Variants in MLLT3 observed in about 807,000 individuals in gnomAD.
MLLT3 encodes protein AF-9.
MLLT3 carries 4 observed loss-of-function variants against 53.2 expected under a neutral mutation model. The ratio of observed to expected loss-of-function variants is 0.08; its 90% CI spans 0.04 to 0.17. MLLT3 has a LOEUF of 0.17. Ranked by LOEUF, MLLT3 falls within the 10% of genes least tolerant of loss-of-function variation. MLLT3 has a pLI of 1.00. For missense variants in MLLT3, 569 were observed against 684.0 expected (o/e 0.83, Z 1.87); for synonymous variants, 283 against 230.6 (o/e 1.23, Z -2.06).
intron 5 of MLLT3, chr9:20,411,301 T>C (rs1586928960): frequency 6.5e-6 from 1 of 153,474 alleles, no homozygotes; most frequent in East Asian, 1.9e-4. Context: ...ACAAAGCCTG[T>C]CTTTTCTACT....
intron 2 of MLLT3, among the ~76,000 whole-genome samples, chr9:20,497,814 G>A (rs938300066): frequency 6.6e-6 from 1 of 151,874 alleles, no homozygotes; most frequent in Admixed American, 6.6e-5. Context: ...AATTCTCTTG[G>A]GTAAATACCT....
intron 2 of MLLT3, among the ~76,000 whole-genome samples, chr9:20,565,528 G>A (rs180804774): frequency 6.6e-6 from 1 of 151,974 alleles, no homozygotes; most frequent in East Asian, 1.9e-4. Context: ...AATACACACT[G>A]CTAGGTAATT....
intron 6 of MLLT3, among the ~76,000 whole-genome samples, chr9:20,365,176 G>A (rs558366447): frequency 2.1e-4 from 32 of 152,264 alleles, no homozygotes; most frequent in African/African-American, 7.5e-4. Context: ...GGCAGGGACC[G>A]GAAAAAGGGG....
At chr9:20,511,944 C>T (rs906301631) in intron 2 of MLLT3, among the ~76,000 whole-genome samples, 3 of 152,014 alleles carry the variant, frequency 2.0e-5, no homozygotes, top group Non-Finnish European at 4.4e-5. Context: ...ATTGCATTAC[C>T]AGTACAGAGT....
At chr9:20,388,911 C>A (rs1822112883) in intron 5 of MLLT3, among the ~76,000 whole-genome samples, 1 of 152,140 alleles carries the variant, frequency 6.6e-6, no homozygotes, top group Admixed American at 6.5e-5. Context: ...TATCAGAATT[C>A]TTTCAGCCTT....
At chr9:20,365,073 A>G (rs1270331762) in intron 6 of MLLT3, among the ~76,000 whole-genome samples, 2 of 152,208 alleles carry the variant, frequency 1.3e-5, no homozygotes, top group African/African-American at 4.8e-5. Flanking sequence ...TCCCTATGTC[A>G]AAGCCTCTTA....
chr9:20,501,579 G>A (rs1283649715), intron 2 of MLLT3, among the ~76,000 whole-genome samples: 10 of 150,932 alleles, frequency 6.6e-5, no homozygotes, highest in East Asian at 2.0e-4. Context: ...GTGAAACCCC[G>A]TCTCTACTAA....
intron 2 of MLLT3, among the ~76,000 whole-genome samples, chr9:20,552,920 A>G (rs974905789): frequency 5.9e-5 from 9 of 152,178 alleles, no homozygotes; most frequent in Non-Finnish European, 1.3e-4. Context: ...TTATATGCTT[A>G]TCAAAAAGTT....
At chr9:20,424,104 T>C (rs561439865) in intron 4 of MLLT3, among the ~76,000 whole-genome samples, 1 of 152,252 alleles carries the variant, frequency 6.6e-6, no homozygotes, top group South Asian at 2.1e-4. Flanking sequence ...ACTATGCCAT[T>C]TTGTACAAGG....
At chr9:20,561,546 T>A (rs1414603467) in intron 2 of MLLT3, among the ~76,000 whole-genome samples, 1 of 152,198 alleles carries the variant, frequency 6.6e-6, no homozygotes, top group Non-Finnish European at 1.5e-5. Flanking sequence ...GTTGACAATC[T>A]GTGTCCAAGT....
chr9:20,441,717 G>T (rs998471861), intron 4 of MLLT3, among the ~76,000 whole-genome samples: 4 of 151,986 alleles, frequency 2.6e-5, no homozygotes, highest in African/African-American at 4.8e-5. Context: ...TAATCAAAAA[G>T]GTACTTATTC....
At chr9:20,518,446 T>A (rs1413498703) in intron 2 of MLLT3, among the ~76,000 whole-genome samples, 1 of 152,108 alleles carries the variant, frequency 6.6e-6, no homozygotes, top group Non-Finnish European at 1.5e-5. Flanking sequence ...AAAAACACCA[T>A]GAGAACATTA....
chr9:20,387,426 G>C (rs1367012120), intron 5 of MLLT3, among the ~76,000 whole-genome samples: 1 of 152,102 alleles, frequency 6.6e-6, no homozygotes, highest in Non-Finnish European at 1.5e-5. Context: ...TCCTATTACT[G>C]GTCTATTTTT....
At chr9:20,535,217 A>T (rs149241831) in intron 2 of MLLT3, among the ~76,000 whole-genome samples, 31 of 152,294 alleles carry the variant, frequency 2.0e-4, no homozygotes, top group Non-Finnish European at 4.1e-4. Context: ...TGAACTGCAC[A>T]TGTGAGGGAT....
chr9:20,368,100 G>A (rs1311478345), intron 5 of MLLT3, among the ~76,000 whole-genome samples: 1 of 152,230 alleles, frequency 6.6e-6, no homozygotes, highest in Non-Finnish European at 1.5e-5. Context: ...GAGTACTGTA[G>A]CACAATGTCT....
intron 4 of MLLT3, among the ~76,000 whole-genome samples, chr9:20,418,991 A>G (rs1822943738): frequency 6.6e-6 from 1 of 152,156 alleles, no homozygotes; most frequent in Admixed American, 6.5e-5. Flanking sequence ...CATCACTTAT[A>G]GAATTACAAC....
chr9:20,390,318 G>C (rs370931608), intron 5 of MLLT3, among the ~76,000 whole-genome samples: 1 of 152,028 alleles, frequency 6.6e-6, no homozygotes, highest in Non-Finnish European at 1.5e-5. Context: ...TTAAAACTTT[G>C]TTACATAGAA....
intron 2 of MLLT3, among the ~76,000 whole-genome samples, chr9:20,593,569 T>A (rs1210224458): frequency 1.3e-5 from 2 of 152,196 alleles, no homozygotes; most frequent in African/African-American, 4.8e-5. Context: ...GAGAGAAAAA[T>A]TATGTTTCAA....
At chr9:20,385,383 C>T (rs963311074) in intron 5 of MLLT3, among the ~76,000 whole-genome samples, 3 of 152,084 alleles carry the variant, frequency 2.0e-5, no homozygotes, top group African/African-American at 7.2e-5. Flanking sequence ...TCTGATAAAC[C>T]ATCTGTTCCA....
Sources: gnomAD v4.1 joint callset for allele counts (sites outside exome capture counted in the v4.1 genomes callset) on GRCh38, gnomAD v4.1.1 for gene constraint, MANE v1.5 for transcripts, NCBI Gene and HGNC (gene_info 2026-07-23, HGNC 2026-07-21) for gene names.